The following STXBP5L variants were observed in gnomAD, a reference collection of about 807,000 sequenced individuals.
STXBP5L encodes syntaxin-binding protein 5-like.
In STXBP5L, 65 loss-of-function variants were observed where a neutral mutation model predicts 144.5. The observed-to-expected ratio is 0.45, with a 90% CI of 0.37 to 0.55. The LOEUF (loss-of-function observed/expected upper bound fraction) is 0.55. Among genes scored for constraint, STXBP5L ranks in the 20% least tolerant of loss-of-function variants. The probability of loss-of-function intolerance (pLI) is 0.00; values close to 1 mark genes in which losing one functional copy is unlikely to be tolerated. For synonymous variants in STXBP5L, 505 were observed against 469.6 expected, an observed-to-expected ratio of 1.08 and a Z score of -0.97; for missense variants, 1,298 against 1,405.5, an observed-to-expected ratio of 0.92 and a Z score of 1.22.
Position 121,021,064 on chromosome 3 carries a change from G to A in STXBP5L, c.288-20636G>A, listed in dbSNP as rs547538226. Among the ~76,000 whole-genome samples, 26 of 152,152 alleles carry A rather than the reference G, an allele frequency of 1.7e-4. No individual in the cohort carries two copies. In the East Asian group the frequency reaches 5.0e-3, roughly 29 times the overall value. On this transcript the variant is annotated intron_variant, in intron 3 of 26. Coordinates refer to ENST00000471454, the MANE Select transcript of STXBP5L (RefSeq NM_001308330.2). ...AGGACTCACATAAACTTAAGATAAA[G>A]GGGTGGAAAAACATAGTCCATGCAA...
At chr3:121,107,089 TTG>T (rs1407599800) in intron 5 of STXBP5L, among the ~76,000 whole-genome samples, 4 of 152,126 alleles carry the variant, frequency 2.6e-5, no homozygotes, top group African/African-American at 7.2e-5. Context: ...AATGGATTCT[TTG>T]TTTTTTTTTT....
chr3:121,355,972 G>A (rs978945384), intron 20 of STXBP5L, among the ~76,000 whole-genome samples: 2 of 152,216 alleles, frequency 1.3e-5, no homozygotes, highest in South Asian at 4.1e-4. Context: ...GTTGGAGTTT[G>A]CTGGAGGCCC....
At chr3:121,128,491 G>A (rs1286902446) in intron 7 of STXBP5L, among the ~76,000 whole-genome samples, 7 of 152,082 alleles carry the variant, frequency 4.6e-5, no homozygotes, top group Non-Finnish European at 1.0e-4. Flanking sequence ...GAAAATATTA[G>A]CATATTTGAG....
chr3:121,009,198 G>A (rs1042683523), intron 3 of STXBP5L, among the ~76,000 whole-genome samples: 4 of 151,878 alleles, frequency 2.6e-5, no homozygotes, highest in African/African-American at 9.7e-5. Flanking sequence ...TACTTAACTG[G>A]GTTTTTAGTG....
At chr3:121,411,842 G>C (rs2047121149) in intron 23 of STXBP5L, among the ~76,000 whole-genome samples, 1 of 152,078 alleles carries the variant, frequency 6.6e-6, no homozygotes, top group South Asian at 2.1e-4. Flanking sequence ...ATCTCTGTCA[G>C]TTTTGCCTTA....
At chr3:121,345,086 T>G (rs990408024) in intron 20 of STXBP5L, among the ~76,000 whole-genome samples, 3 of 152,012 alleles carry the variant, frequency 2.0e-5, no homozygotes, top group Non-Finnish European at 4.4e-5. Flanking sequence ...GGTATACATG[T>G]GCCATGTTGG....
At chr3:120,975,796 G>C (rs1013693874) in intron 3 of STXBP5L, among the ~76,000 whole-genome samples, 11 of 152,116 alleles carry the variant, frequency 7.2e-5, no homozygotes, top group African/African-American at 2.7e-4. Flanking sequence ...CATCTATTGA[G>C]ATAATCATGT....
chr3:121,379,508 A>T (rs1041266925), intron 21 of STXBP5L, among the ~76,000 whole-genome samples: 3 of 152,118 alleles, frequency 2.0e-5, no homozygotes, highest in Non-Finnish European at 4.4e-5. Flanking sequence ...AGATAGGAAA[A>T]AAATAATTTT....
intron 3 of STXBP5L, among the ~76,000 whole-genome samples, chr3:121,027,199 A>G (rs993656703): frequency 2.0e-5 from 3 of 151,980 alleles, no homozygotes; most frequent in Admixed American, 1.3e-4. Context: ...AATATGTCTC[A>G]TTCCATTTCA....
chr3:121,205,858 A>AT, intron 9 of STXBP5L, 65 bp from the exon 10 acceptor site: 2 of 858,794 alleles, frequency 2.3e-6, no homozygotes, highest in Admixed American at 3.4e-5. Context: ...CCTTAGTCAA[A>AT]TTTTTTAATT....
intron 9 of STXBP5L, among the ~76,000 whole-genome samples, chr3:121,187,823 C>T (rs781382989): frequency 1.3e-5 from 2 of 150,614 alleles, no homozygotes; most frequent in Non-Finnish European, 1.5e-5. Flanking sequence ...CATACATAGG[C>T]TCAAAATAAA....
chr3:120,999,487 C>T (rs972252308), intron 3 of STXBP5L, among the ~76,000 whole-genome samples: 6 of 152,186 alleles, frequency 3.9e-5, no homozygotes, highest in Non-Finnish European at 8.8e-5. Context: ...ATTGGTCTCT[C>T]GAAGACAGCG....
intron 20 of STXBP5L, among the ~76,000 whole-genome samples, chr3:121,363,678 G>T (rs2045782210): frequency 6.6e-6 from 1 of 151,908 alleles, no homozygotes; most frequent in African/African-American, 2.4e-5. Context: ...TCTCCTTAGT[G>T]CCTCTTCTAA....
chr3:121,069,184 A>T (rs1335759780), intron 5 of STXBP5L, among the ~76,000 whole-genome samples: 2 of 152,222 alleles, frequency 1.3e-5, no homozygotes, highest in East Asian at 3.8e-4. Context: ...AACGCCTGGA[A>T]TTCACTAATC....
intron 2 of STXBP5L, among the ~76,000 whole-genome samples, chr3:120,946,889 C>G (rs1338194181): frequency 6.6e-6 from 1 of 151,706 alleles, no homozygotes; most frequent in Non-Finnish European, 1.5e-5. Flanking sequence ...GTGCCTCTTG[C>G]AATATCAGCA....
intron 19 of STXBP5L, among the ~76,000 whole-genome samples, chr3:121,280,291 C>T (rs568419735): frequency 1.3e-5 from 2 of 151,862 alleles, no homozygotes; most frequent in African/African-American, 2.4e-5. Context: ...AAAAAAACTG[C>T]TTGCAATGGT....
chr3:121,058,933 T>G (rs879701210), intron 5 of STXBP5L, among the ~76,000 whole-genome samples: 1 of 152,248 alleles, frequency 6.6e-6, no homozygotes, highest in Non-Finnish European at 1.5e-5. Context: ...GCCTGTTCAC[T>G]CTGATGATAG....
In STXBP5L at chr3:120,959,725, C is replaced by T. The variant is rs148009144; in HGVS notation, c.287+4688C>T. On this transcript the variant is annotated intron_variant, in intron 3 of 26. Transcript: ENST00000471454. ...ATATGTAGAAAGCTGAAACTGGATC[C>T]CTTCCTTACACCTTATACAAAAATT... is the stretch of plus-strand genomic sequence containing the variant. Among the ~76,000 whole-genome samples, 702 of 152,066 alleles carry T rather than the reference C, an allele frequency of 4.6e-3. 4 individuals are homozygous for T. Among genetic ancestry groups the T allele is most frequent in the African/African-American group, 0.016 (662 of 41,438 alleles).
chr3:121,190,679 C>T (rs796184064), intron 9 of STXBP5L, among the ~76,000 whole-genome samples: 6 of 15,494 alleles, frequency 3.9e-4, no homozygotes, highest in African/African-American at 1.1e-3. Context: ...GGCTGGGCGG[C>T]GGCTGCCCCC....
Sources: gnomAD v4.1 joint callset for allele counts (sites outside exome capture counted in the v4.1 genomes callset) on GRCh38, gnomAD v4.1.1 for gene constraint, MANE v1.5 for transcripts, NCBI Gene and HGNC (gene_info 2026-07-23, HGNC 2026-07-21) for gene names.